GNAQ: variants seen among roughly 807,000 people sequenced by gnomAD.
GNAQ encodes G protein subunit alpha q, also known as guanine nucleotide-binding protein G(q) subunit alpha.
GNAQ carries 8 observed loss-of-function variants against 43.9 expected under a neutral mutation model. That is an observed-to-expected ratio of 0.18 (90% confidence interval 0.11 to 0.33). The LOEUF (loss-of-function observed/expected upper bound fraction) is 0.33. Among genes scored for constraint, GNAQ ranks in the 10% least tolerant of loss-of-function variants. GNAQ has a pLI of 1.00. For synonymous variants in GNAQ, 155 were observed against 170.7 expected (o/e 0.91, Z 0.71); for missense variants, 158 against 450.8 (o/e 0.35, Z 5.88).
intron 1 of GNAQ, among the ~76,000 whole-genome samples, chr9:77,971,550 G>A (rs1480089122): frequency 6.6e-6 from 1 of 152,180 alleles, no homozygotes; most frequent in Non-Finnish European, 1.5e-5. Flanking sequence ...CTCAATAGAT[G>A]CAGAAAAGGC....
intron 2 of GNAQ, among the ~76,000 whole-genome samples, chr9:77,863,762 G>A (rs1297180038): frequency 6.6e-6 from 1 of 152,178 alleles, no homozygotes; most frequent in Non-Finnish European, 1.5e-5. Flanking sequence ...GCAAGGAGGA[G>A]CAAGTCATGT....
chr9:77,986,603 T>C (rs918291011), intron 1 of GNAQ, among the ~76,000 whole-genome samples: 5 of 152,180 alleles, frequency 3.3e-5, no homozygotes, highest in Admixed American at 6.5e-5. Flanking sequence ...CATACTGGGC[T>C]CAAATGATCC....
intron 1 of GNAQ, among the ~76,000 whole-genome samples, chr9:78,003,937 A>G (rs933514662): frequency 1.3e-5 from 2 of 152,214 alleles, no homozygotes; most frequent in Admixed American, 1.3e-4. Flanking sequence ...AAAAAGCATA[A>G]TATGCACTAA....
At chr9:78,012,254 T>G (rs78698424) in intron 1 of GNAQ, among the ~76,000 whole-genome samples, 1 of 151,524 alleles carries the variant, frequency 6.6e-6, no homozygotes, top group Admixed American at 6.6e-5. Flanking sequence ...TTTTTTTTTT[T>G]TGAGACGGAG....
At chr9:77,949,301 G>T (rs1822945695) in intron 1 of GNAQ, among the ~76,000 whole-genome samples, 1 of 152,136 alleles carries the variant, frequency 6.6e-6, no homozygotes, top group Admixed American at 6.5e-5. Context: ...CAGTCCTTAG[G>T]GGCAGAAATG....
intron 6 of GNAQ, among the ~76,000 whole-genome samples, chr9:77,722,122 T>C (rs552975531): frequency 1.8e-4 from 27 of 152,110 alleles, no homozygotes; most frequent in Admixed American, 3.9e-4. Flanking sequence ...GATAAAACAA[T>C]TGGTTTATAT....
intron 2 of GNAQ, among the ~76,000 whole-genome samples, chr9:77,828,714 T>C (rs1392539811): frequency 3.3e-5 from 5 of 152,206 alleles, no homozygotes; most frequent in Admixed American, 6.5e-5. Context: ...TGTCCTGAAA[T>C]GTGATCTAAC....
chr9:78,013,579 C>T (rs1823801389), intron 1 of GNAQ, among the ~76,000 whole-genome samples: 1 of 151,456 alleles, frequency 6.6e-6, no homozygotes, highest in South Asian at 2.1e-4. Context: ...TCTGAGAAGA[C>T]TATTAAGAAA....
chr9:77,810,758 G>C (rs1208810478), intron 3 of GNAQ, among the ~76,000 whole-genome samples: 1 of 152,194 alleles, frequency 6.6e-6, no homozygotes, highest in Non-Finnish European at 1.5e-5. Context: ...ACTTGTGAAA[G>C]TCAAACATGA....
chr9:77,790,457 G>C (rs761370123), intron 5 of GNAQ, among the ~76,000 whole-genome samples: 13 of 152,180 alleles, frequency 8.5e-5, no homozygotes, highest in Non-Finnish European at 1.6e-4. Context: ...AAACCTACCA[G>C]AAGAGACGGA....
rs72736516 is a variant in GNAQ, at chr9:77,864,361, T to C, written c.322-48591A>G. 1.3e-3 allele frequency among the ~76,000 whole-genome samples: 191 copies of C among 152,228 alleles called. 1 individual carries two copies. Among genetic ancestry groups the C allele is most frequent in the Admixed American group, 3.9e-3 (60 of 15,288 alleles). ...AGACTTGGCAAGGCCAAACAAACCA[T>C]ATCCAAACCATAGCAGTTGCTTTAC... On this transcript the variant is annotated intron_variant, in intron 2 of 6. Transcript: ENST00000286548.
intron 1 of GNAQ, among the ~76,000 whole-genome samples, chr9:78,006,410 C>A (rs1032205241): frequency 1.3e-5 from 2 of 152,162 alleles, no homozygotes; most frequent in African/African-American, 4.8e-5. Context: ...CTGTCTTGTA[C>A]ACACATACCA....
intron 1 of GNAQ, among the ~76,000 whole-genome samples, chr9:78,029,231 G>C (rs570646384): frequency 6.6e-6 from 1 of 151,970 alleles, no homozygotes; most frequent in East Asian, 1.9e-4. Context: ...GTTGGCTGGA[G>C]AGACCTCAAC....
At chr9:77,928,501 T>C (rs1390742675) in intron 1 of GNAQ, among the ~76,000 whole-genome samples, 4 of 152,170 alleles carry the variant, frequency 2.6e-5, no homozygotes, top group Admixed American at 6.5e-5. Flanking sequence ...GCAAAACACA[T>C]TGAAAATTCA....
At chr9:77,921,435 T>C (rs757694777) in intron 2 of GNAQ, among the ~76,000 whole-genome samples, 35 of 152,186 alleles carry the variant, frequency 2.3e-4, no homozygotes, top group African/African-American at 7.0e-4. Context: ...CTTTAATATT[T>C]AGAGGATGAG....
In GNAQ at chr9:77,794,448, CTAAA is replaced by C; in HGVS notation, c.735+11_735+14del. 4 of 1,563,942 alleles carry C rather than the reference CTAAA, an allele frequency of 2.6e-6. No homozygotes were observed. The highest frequency in any genetic ancestry group is 3.5e-6 in the Non-Finnish European group (4 of 1,145,406). ...AATAAAATGATAATCCATTGCCTGT[CTAAA>C]GAACACTTACCTCATTGTCTGACTC... On this transcript the variant is annotated intron_variant, in intron 5 of 6. Transcript: ENST00000286548.
intron 1 of GNAQ, among the ~76,000 whole-genome samples, chr9:78,016,844 A>C (rs952668168): frequency 1.4e-4 from 21 of 152,232 alleles, no homozygotes; most frequent in African/African-American, 4.1e-4. Flanking sequence ...CTGTAAAATG[A>C]ATACTGATTC....
chr9:77,893,100 G>A (rs1398086016), intron 2 of GNAQ, among the ~76,000 whole-genome samples: 3 of 152,138 alleles, frequency 2.0e-5, no homozygotes, highest in Non-Finnish European at 4.4e-5. Context: ...AAACCAGAGC[G>A]ACTCCATCTT....
intron 4 of GNAQ, among the ~76,000 whole-genome samples, chr9:77,795,279 G>T (rs1324322052): frequency 1.3e-5 from 2 of 152,158 alleles, no homozygotes; most frequent in Non-Finnish European, 2.9e-5. Flanking sequence ...TCAATCATTT[G>T]TTTTTAACAC....
Sources: allele counts gnomAD v4.1 joint callset (sites outside exome capture counted in the v4.1 genomes callset), GRCh38; gene constraint gnomAD v4.1.1; transcripts MANE v1.5; gene names NCBI Gene and HGNC (gene_info 2026-07-23, HGNC 2026-07-21).